The following ASMTL variants were observed in gnomAD, a reference collection of about 807,000 sequenced individuals.
ASMTL encodes the protein acetylserotonin O-methyltransferase like.
A neutral mutation model predicts 60.3 loss-of-function variants in ASMTL; 57 were observed. The ratio of observed to expected loss-of-function variants is 0.95; its 90% CI spans 0.76 to 1.18. The LOEUF (loss-of-function observed/expected upper bound fraction) is 1.18, where lower values mean the gene tolerates loss of function less well. Among genes scored for constraint, ASMTL ranks in the 50% most tolerant of loss-of-function variants. The probability of loss-of-function intolerance (pLI) is 0.00; values close to 1 mark genes in which losing one functional copy is unlikely to be tolerated. For synonymous variants in ASMTL, 419 were observed against 373.0 expected (o/e 1.12, Z -1.42); for missense variants, 981 against 852.6 (o/e 1.15, Z -1.88).
At chrX:1,434,052 G>A (rs1603451433) in intron 5 of ASMTL, among the ~76,000 whole-genome samples, 1 of 152,162 alleles carries the variant, frequency 6.6e-6, no homozygotes, top group Non-Finnish European at 1.5e-5. Flanking sequence ...TTCACCTGTG[G>A]GATCTGCGCT....
Position 1,425,508 on chromosome X carries a change from C to T in ASMTL, c.1060+17G>A, listed in dbSNP as rs1289541598. 6.2e-7 allele frequency: 1 copy of T among 1,606,778 alleles called. No individual in the cohort carries two copies. The highest frequency in any genetic ancestry group is 1.3e-5 in the African/African-American group (1 of 74,840). ...CCTGCAAAGATCCTCAGAGCAAAAC[C>T]CGCTGGGTCCTGTCACCTTGCTCTG... On this transcript the variant is annotated intron_variant, in intron 8 of 12. Transcript: ENST00000381317.
rs772803319 is a variant in ASMTL at position 1,432,362 on chromosome X, G to C, written c.416C>G (p.Thr139Ser). 3 of 1,612,760 alleles carry C rather than the reference G, an allele frequency of 1.9e-6. No homozygotes were observed. Among genetic ancestry groups the C allele is most frequent in the African/African-American group, 1.3e-5 (1 of 74,872 alleles). The change falls in exon 6 of 13, where the codon ACC becomes AGC. Residue 139 changes from threonine to serine, a missense_variant. Coordinates refer to ENST00000381317, the MANE Select transcript of ASMTL (RefSeq NM_004192.4). ...HCSSKDHQLD[T>S]RVSEFYEETK... is the part of the protein sequence containing the mutation. ...TTCCTCGTAGAATTCCGAGACCCTG[G>C]TGTCCAGCTGATGGTCTGCAAGGAC...
intron 2 of ASMTL, 89 bp from the exon 3 acceptor site, chrX:1,439,233 C>T (rs1342098099): frequency 1.6e-5 from 23 of 1,414,596 alleles, no homozygotes; most frequent in Non-Finnish European, 2.1e-5. Flanking sequence ...GAAAGAGCAC[C>T]GCAGGGGCGA....
At chrX:1,411,847 C>G (rs1209458540) in intron 12 of ASMTL, among the ~76,000 whole-genome samples, 8 of 116,296 alleles carry the variant, frequency 6.9e-5, no homozygotes, top group African/African-American at 2.7e-4. Flanking sequence ...GAGTCTCGCT[C>G]TGTTACCCAG....
At chrX:1,407,228 ATGGG>A (rs2089894304) in intron 12 of ASMTL, among the ~76,000 whole-genome samples, 2 of 149,500 alleles carry the variant, frequency 1.3e-5, no homozygotes, top group Non-Finnish European at 3.0e-5. Context: ...ATGGTAGATG[ATGGG>A]TAGGTAGGTA....
chrX:1,428,982 C>T (rs1266323737), intron 6 of ASMTL, among the ~76,000 whole-genome samples: 28 of 151,124 alleles, frequency 1.9e-4, no homozygotes, highest in Non-Finnish European at 1.3e-4. Context: ...CTGCAACCTC[C>T]GCCTCCTGGG....
intron 11 of ASMTL, among the ~76,000 whole-genome samples, chrX:1,415,824 A>G (rs2090224581): frequency 6.6e-6 from 1 of 152,220 alleles, no homozygotes; most frequent in Non-Finnish European, 1.5e-5. Context: ...AGACACGCAC[A>G]GGCAGACCCA....
intron 11 of ASMTL, among the ~76,000 whole-genome samples, chrX:1,416,188 CAG>C (rs1491186430): frequency 2.0e-5 from 3 of 147,254 alleles, no homozygotes; most frequent in Non-Finnish European, 2.9e-5. Context: ...CAGGCACACA[CAG>C]ACGCAGACAT....
chrX:1,428,187 C>G (rs1346713693), intron 6 of ASMTL, 66 bp from the exon 7 acceptor site: 2 of 1,530,314 alleles, frequency 1.3e-6, no homozygotes, highest in South Asian at 2.5e-5. Flanking sequence ...GAACATTTCA[C>G]GGCTGGGAGG....
At position 1,445,817 on chromosome X, in the gene ASMTL, C is replaced by T. The variant is rs772394512; in HGVS notation, c.94-3500G>A. On this transcript the variant is annotated intron_variant, in intron 1 of 12. Transcript: ENST00000381317. ...CTCTAGAATCATAATGTAGGAAAAGCCAGGCCATACAGAGATAGGAGCTGA... is the reference window on the plus strand; with the variant it reads ...CTCTAGAATCATAATGTAGGAAAAGTCAGGCCATACAGAGATAGGAGCTGA... Among the ~76,000 whole-genome samples, 231 of 152,194 alleles carry T rather than the reference C, an allele frequency of 1.5e-3. 1 individual carries two copies. Among genetic ancestry groups the T allele is most frequent in the African/African-American group, 5.3e-3 (221 of 41,528 alleles).
Position 1,425,392 on chromosome X carries a change from A to G in ASMTL, c.1060+133T>C, listed in dbSNP as rs182637323. 7.3e-5 allele frequency: 78 copies of G among 1,065,444 alleles called. No individual in the cohort carries two copies. The African/African-American group carries it at 1.2e-3, about 16-fold the overall frequency. 66.0% of individuals were successfully genotyped at this position (1,065,444 alleles called of 1,614,324 possible). On this transcript the variant is annotated intron_variant, in intron 8 of 12. Transcript: ENST00000381317. ...CTCTGCTTCTCAACCTTTCGGGAAA[A>G]GCAGCATTCCTGAGGGCAGAGGGAC...
chrX:1,420,718 C>T (rs1208110915), intron 9 of ASMTL, among the ~76,000 whole-genome samples: 1 of 152,210 alleles, frequency 6.6e-6, no homozygotes, highest in Non-Finnish European at 1.5e-5. Flanking sequence ...CAAACAGCGG[C>T]CTCAGATAAG....
chrX:1,421,837 T>C lies in ASMTL; in HGVS notation c.1066A>G (p.Ser356Gly), dbSNP rs369072361. ...GLLEKTEQGY[S>G]NTETANVYLA... is the part of the protein sequence containing the mutation. ...TAGACGTTCGCTGTCTCTGTGTTAC[T>C]GTAACCTGGAGAAATGGGGACAGTC... The change falls in exon 9 of 13, where the codon AGT becomes GGT. Residue 356 changes from serine (S) to glycine (G), a missense_variant. Transcript: ENST00000381317. 146 of 1,613,730 alleles carry C rather than the reference T, an allele frequency of 9.0e-5. No homozygotes were observed. Among genetic ancestry groups the C allele is most frequent in the Non-Finnish European group, 1.2e-4 (136 of 1,179,818 alleles).
chrX:1,403,459 A>G lies in ASMTL; in HGVS notation c.1676T>C (p.Leu559Pro). The G allele has an allele frequency of 6.2e-7, 1 of 1,613,126 alleles. No individual in the cohort carries two copies. The highest frequency in any genetic ancestry group is 8.5e-7 in the Non-Finnish European group (1 of 1,179,854). Residue 559 changes from leucine (L) to proline (P), a missense_variant, in exon 13 of 13, where the codon CTG becomes CCG. Transcript: ENST00000381317. ...CTGCGCCACCCTCTTCTCCTCATCC[A>G]GGAGCGTCTCCACCAGCAGCAGGCC... is the stretch of plus-strand genomic sequence containing the variant. Reference protein sequence around the residue: ...GAGLLLVETLLDEEKRVAQRA... With the variant: ...GAGLLLVETLPDEEKRVAQRA...
chrX:1,446,392 CCTTTT>C (rs1445422362), intron 1 of ASMTL, among the ~76,000 whole-genome samples: 5 of 152,094 alleles, frequency 3.3e-5, no homozygotes, highest in African/African-American at 1.2e-4. Flanking sequence ...GGCCCAGCTG[CCTTTT>C]CTTTTATCTC....
In ASMTL at chrX:1,411,703, C is replaced by T. The variant is rs770161438; in HGVS notation, c.1645+1029G>A. ...AGCAACACCAGCCCACGGCTTCCTC[C>T]TCTGCAGCCTCCTCAGTGTGAAGAC... is the stretch of plus-strand genomic sequence containing the variant. On this transcript the variant is annotated intron_variant, in intron 12 of 12. Transcript: ENST00000381317. 2.8e-5 allele frequency among the ~76,000 whole-genome samples: 4 copies of T among 141,512 alleles called. No homozygotes were observed. In the South Asian group the frequency reaches 6.8e-4, roughly 24 times the overall value. 92.8% of individuals were successfully genotyped at this position (141,512 alleles called of 152,430 possible).
Position 1,410,671 on chromosome X carries a change from C to G in ASMTL, c.1645+2061G>C, listed in dbSNP as rs1280520141. Among the ~76,000 whole-genome samples, 6 of 152,118 alleles carry G rather than the reference C, an allele frequency of 3.9e-5. No homozygotes were observed. In the East Asian group the frequency reaches 1.2e-3, roughly 30 times the overall value. On this transcript the variant is annotated intron_variant, in intron 12 of 12. Transcript: ENST00000381317. ...TCGAGATCTGCCCGCTTTGGCCTCC[C>G]AAAGTGCTGGGATTACAGGTGTGAG... is the stretch of plus-strand genomic sequence containing the variant.
At chrX:1,424,883 CACTG>C (rs2090574041) in intron 8 of ASMTL, among the ~76,000 whole-genome samples, 1 of 147,602 alleles carries the variant, frequency 6.8e-6, no homozygotes, top group African/African-American at 2.5e-5. Context: ...TCCACCCATC[CACTG>C]ATCCACCAAT....
chrX:1,433,089 C>G (rs1332221245), intron 5 of ASMTL, among the ~76,000 whole-genome samples: 1 of 152,044 alleles, frequency 6.6e-6, no homozygotes, highest in Non-Finnish European at 1.5e-5. Context: ...CAGAGCGAGA[C>G]TCTGTCTCAA....
Sources: gnomAD v4.1 joint callset for allele counts (sites outside exome capture counted in the v4.1 genomes callset) on GRCh38, gnomAD v4.1.1 for gene constraint, MANE v1.5 for transcripts, NCBI Gene and HGNC (gene_info 2026-07-23, HGNC 2026-07-21) for gene names.